GLIPR1L2: variants seen among roughly 807,000 people sequenced by gnomAD.
The protein encoded by GLIPR1L2 is GLIPR1 like 2, also known as GLIPR1-like protein 2.
In GLIPR1L2, 21 loss-of-function variants were observed where a neutral mutation model predicts 28.4. The ratio of observed to expected loss-of-function variants is 0.74; its 90% CI spans 0.52 to 1.06. GLIPR1L2 has a LOEUF of 1.06. GLIPR1L2 is among the 50% of genes least tolerant of loss of function. The pLI, the probability that GLIPR1L2 is intolerant of heterozygous loss-of-function variation, is 0.00. For missense variants in GLIPR1L2, 476 were observed against 416.9 expected, an observed-to-expected ratio of 1.14 and a Z score of -1.23; for synonymous variants, 145 against 139.3, an observed-to-expected ratio of 1.04 and a Z score of -0.29.
intron 2 of GLIPR1L2, among the ~76,000 whole-genome samples, chr12:75,410,989 A>G (rs2139943270): frequency 6.6e-6 from 1 of 152,028 alleles, no homozygotes; most frequent in East Asian, 1.9e-4. Context: ...TACTTTATAA[A>G]TGATTGACTA....
chr12:75,421,306 A>G (rs1250440465), intron 3 of GLIPR1L2, among the ~76,000 whole-genome samples: 1 of 152,246 alleles, frequency 6.6e-6, no homozygotes, highest in African/African-American at 2.4e-5. Context: ...TATATGATCT[A>G]CAAATAACCA....
intron 1 of GLIPR1L2, among the ~76,000 whole-genome samples, chr12:75,409,529 C>A (rs1266888061): frequency 1.3e-5 from 2 of 148,856 alleles, no homozygotes; most frequent in Admixed American, 6.8e-5. Flanking sequence ...TCACCAACTA[C>A]TACCATGTGT....
chr12:75,396,332 T>A (rs1229954333), intron 1 of GLIPR1L2, among the ~76,000 whole-genome samples: 1 of 151,996 alleles, frequency 6.6e-6, no homozygotes, highest in African/African-American at 2.4e-5. Context: ...CCCAGCTGAT[T>A]TTTGTATTTT....
At chr12:75,401,915 CAAAG>C (rs1486597965) in intron 1 of GLIPR1L2, among the ~76,000 whole-genome samples, 3 of 151,670 alleles carry the variant, frequency 2.0e-5, no homozygotes, top group Non-Finnish European at 4.4e-5. Flanking sequence ...AGAAAAGAAA[CAAAG>C]AATGAGAGAA....
intron 3 of GLIPR1L2, among the ~76,000 whole-genome samples, chr12:75,421,359 C>G (rs190734504): frequency 6.6e-6 from 1 of 152,308 alleles, no homozygotes; most frequent in Admixed American, 6.5e-5. Context: ...GCTTACAATT[C>G]AAGGGTATCA....
chr12:75,393,332 C>T (rs2045650730), intron 1 of GLIPR1L2, among the ~76,000 whole-genome samples: 1 of 151,986 alleles, frequency 6.6e-6, no homozygotes. Context: ...ATTACCACCA[C>T]CTATCTCCAA....
At position 75,424,410 on chromosome 12, in the gene GLIPR1L2, GTTGT is replaced by G. The variant is rs1200827037; in HGVS notation, c.670+1428_670+1431del. 5.9e-5 allele frequency among the ~76,000 whole-genome samples: 9 copies of G among 152,068 alleles called. No individual in the cohort carries two copies. In the East Asian group the frequency reaches 7.7e-4, roughly 13 times the overall value. The stretch of plus-strand genomic sequence containing the variant: ...TGTCCTTTGCCCACTTTTCGATGGG[GTTGT>G]TTGTTTTTCTCTTGTAGATTTGTTT... On this transcript the variant is annotated intron_variant, in intron 4 of 5. Coordinates refer to ENST00000550916, the MANE Select transcript of GLIPR1L2 (RefSeq NM_001270396.2).
chr12:75,406,621 G>A (rs185471132), intron 1 of GLIPR1L2, among the ~76,000 whole-genome samples: 10 of 151,886 alleles, frequency 6.6e-5, no homozygotes, highest in Middle Eastern at 3.4e-3. Flanking sequence ...AGCTGGGTGC[G>A]GTGGTGCACA....
intron 1 of GLIPR1L2, among the ~76,000 whole-genome samples, chr12:75,406,236 C>G (rs1419456912): frequency 2.0e-5 from 3 of 152,014 alleles, no homozygotes; most frequent in Non-Finnish European, 4.4e-5. Context: ...TGTTTCATAG[C>G]TGTCTAAGAT....
chr12:75,393,168 G>A (rs2139912444), intron 1 of GLIPR1L2, among the ~76,000 whole-genome samples: 1 of 152,142 alleles, frequency 6.6e-6, no homozygotes, highest in African/African-American at 2.4e-5. Context: ...CTATTGCCGT[G>A]TAGTACTTTT....
Position 75,431,760 on chromosome 12 carries a change from A to G in GLIPR1L2, c.*599A>G, listed in dbSNP as rs974982808. The stretch of plus-strand genomic sequence containing the variant: ...TATAATTAATGTTCAATATTTCATT[A>G]AAGACTTGCTGTAATTTTCTGCCAC... On this transcript the variant is annotated 3_prime_UTR_variant, in exon 6 of 6. Coordinates refer to ENST00000550916, the MANE Select transcript of GLIPR1L2 (RefSeq NM_001270396.2). The G allele has an allele frequency of 3.3e-5, 5 of 152,126 alleles. No homozygotes were observed. The highest frequency in any genetic ancestry group is 6.5e-5 in the Admixed American group (1 of 15,280). 9.4% of individuals were successfully genotyped at this position (152,126 alleles called of 1,614,324 possible). A position where few individuals can be genotyped will look rare whatever the true frequency, so the allele number is the denominator to read the frequency against.
intron 3 of GLIPR1L2, among the ~76,000 whole-genome samples, chr12:75,415,103 A>C (rs1356824922): frequency 6.6e-6 from 1 of 152,058 alleles, no homozygotes; most frequent in African/African-American, 2.4e-5. Context: ...AATCTCAGAG[A>C]TTGGAATGAG....
chr12:75,408,814 C>G (rs2139938711), intron 1 of GLIPR1L2, among the ~76,000 whole-genome samples: 1 of 151,724 alleles, frequency 6.6e-6, no homozygotes, highest in East Asian at 1.9e-4. Flanking sequence ...CACAAAATAC[C>G]CATTTAAAAC....
chr12:75,410,753 A>G (rs763320380), intron 2 of GLIPR1L2, 74 bp downstream of exon 2: 11 of 1,092,258 alleles, frequency 1.0e-5, no homozygotes, highest in Non-Finnish European at 1.3e-5. Flanking sequence ...TATGTTTCAA[A>G]TTTGTACATA....
At chr12:75,421,228 G>A (rs1010057835) in intron 3 of GLIPR1L2, among the ~76,000 whole-genome samples, 6 of 152,112 alleles carry the variant, frequency 3.9e-5, no homozygotes, top group African/African-American at 1.4e-4. Context: ...GCTCTGGCTG[G>A]GTTCTAAACA....
chr12:75,401,903 A>G (rs557707043), intron 1 of GLIPR1L2, among the ~76,000 whole-genome samples: 2 of 152,280 alleles, frequency 1.3e-5, no homozygotes, highest in South Asian at 4.1e-4. Flanking sequence ...TAAAAAATTC[A>G]AAGAAAAGAA....
rs568953731 is a variant in GLIPR1L2, at chr12:75,401,781, A to T, written c.235-8653A>T. The stretch of plus-strand genomic sequence containing the variant: ...AATTATCTTCAGATCAAGAACAAAA[A>T]ACAAAATTTCCCCAAAATATGGGCA... On this transcript the variant is annotated intron_variant, in intron 1 of 5. Coordinates refer to ENST00000550916, the MANE Select transcript of GLIPR1L2 (RefSeq NM_001270396.2). Among the ~76,000 whole-genome samples, 23 of 152,194 alleles carry T rather than the reference A, an allele frequency of 1.5e-4. 1 individual carries two copies. The South Asian group carries it at 4.6e-3, about 30-fold the overall frequency.
intron 4 of GLIPR1L2, among the ~76,000 whole-genome samples, 200 bp from the exon 5 acceptor site, chr12:75,430,515 A>G (rs1293030911): frequency 6.6e-6 from 1 of 152,250 alleles, no homozygotes; most frequent in African/African-American, 2.4e-5. Flanking sequence ...ATATATTTCC[A>G]TACTTTCTGT....
At chr12:75,412,636 C>T (rs1207779285) in intron 2 of GLIPR1L2, among the ~76,000 whole-genome samples, 1 of 152,046 alleles carries the variant, frequency 6.6e-6, no homozygotes, top group Non-Finnish European at 1.5e-5. Flanking sequence ...AAATCAAAAC[C>T]ACAATGAGAT....
Sources: gnomAD v4.1 joint callset for allele counts (sites outside exome capture counted in the v4.1 genomes callset) on GRCh38, gnomAD v4.1.1 for gene constraint, MANE v1.5 for transcripts, NCBI Gene and HGNC (gene_info 2026-07-23, HGNC 2026-07-21) for gene names.